The following TMEM182 variants were observed in gnomAD, a reference collection of about 807,000 sequenced individuals.
TMEM182 encodes transmembrane protein 182.
Under a neutral mutation model 26.8 loss-of-function variants are expected in TMEM182, and 20 were observed. The ratio of observed to expected loss-of-function variants is 0.75; its 90% confidence interval spans 0.53 to 1.09. The LOEUF is 1.09. Among genes scored for constraint, TMEM182 ranks in the 50% least tolerant of loss-of-function variants. TMEM182 has a pLI of 0.00. For synonymous variants in TMEM182, 109 were observed against 102.2 expected (o/e 1.07, Z -0.40); for missense variants, 277 against 275.5 (o/e 1.01, Z -0.04).
In TMEM182 at chr2:102,771,644, G is replaced by A. The variant is rs115428104; in HGVS notation, c.331+7217G>A. ...TGATTATCCCAGCAGCATGGCCTGG[G>A]TTCCCTTTGCAAAGGACAGGCTTCC... is the stretch of plus-strand genomic sequence containing the variant. On this transcript the variant is annotated intron_variant, in intron 3 of 4. Transcript: ENST00000412401. Among the ~76,000 whole-genome samples, 1,206 of 152,244 alleles carry A rather than the reference G, an allele frequency of 7.9e-3. 18 individuals carry two copies. Among genetic ancestry groups the A allele is most frequent in the African/African-American group, 0.027 (1,122 of 41,534 alleles).
chr2:102,820,644 A>C (rs1682899861), downstream of TMEM182, among the ~76,000 whole-genome samples: 3 of 152,214 alleles, frequency 2.0e-5, no homozygotes, highest in South Asian at 6.2e-4. Context: ...GGGAGAAGGG[A>C]GCAAGTGGAA....
Position 102,798,010 on chromosome 2 carries a change from G to A in TMEM182, c.469+10G>A, listed in dbSNP as rs777740415. The A allele has an allele frequency of 6.3e-7, 1 of 1,599,264 alleles. No homozygotes were observed. The highest frequency in any genetic ancestry group is 8.5e-7 in the Non-Finnish European group (1 of 1,175,900). The stretch of plus-strand genomic sequence containing the variant: ...TCATATATTGCTGCAGGTACGTACG[G>A]TGCAATGGGTATGACTTTCAGCCAC... On this transcript the variant is annotated intron_variant, in intron 4 of 4. Transcript: ENST00000412401.
intron 3 of TMEM182, among the ~76,000 whole-genome samples, chr2:102,790,267 A>AG (rs1186539121): frequency 6.6e-6 from 1 of 152,214 alleles, no homozygotes; most frequent in Non-Finnish European, 1.5e-5. Context: ...GGCCCCTCTT[A>AG]GAGGCCCCTG....
At chr2:102,807,837 A>G (rs1328254577) in intron 4 of TMEM182, among the ~76,000 whole-genome samples, 1 of 152,224 alleles carries the variant, frequency 6.6e-6, no homozygotes, top group African/African-American at 2.4e-5. Flanking sequence ...TGTTAAAATT[A>G]ATACATATGA....
At chr2:102,831,308 T>A (rs1683144214) in intron 3 of TMEM182, among the ~76,000 whole-genome samples, 2 of 152,220 alleles carry the variant, frequency 1.3e-5, no homozygotes, top group Admixed American at 1.3e-4. Context: ...CCACTGACAG[T>A]GGACAAGTGT....
At chr2:102,829,499 G>A (rs1683109883) in intron 3 of TMEM182, among the ~76,000 whole-genome samples, 4 of 152,092 alleles carry the variant, frequency 2.6e-5, no homozygotes, top group Non-Finnish European at 5.9e-5. Flanking sequence ...ATTTATACTG[G>A]GAAAATATCA....
chr2:102,767,787 T>C (rs561280350), intron 3 of TMEM182, among the ~76,000 whole-genome samples: 2 of 152,354 alleles, frequency 1.3e-5, no homozygotes, highest in South Asian at 4.1e-4. Flanking sequence ...GAAACTCAAT[T>C]GCATACTTTT....
At chr2:102,764,774 A>G (rs1178557460) in intron 3 of TMEM182, among the ~76,000 whole-genome samples, 1 of 151,848 alleles carries the variant, frequency 6.6e-6, no homozygotes, top group Non-Finnish European at 1.5e-5. Flanking sequence ...TGTAATATAC[A>G]TCATACTTCT....
intron 1 of TMEM182, among the ~76,000 whole-genome samples, chr2:102,754,329 C>T (rs1227423141): frequency 2.0e-5 from 3 of 152,122 alleles, no homozygotes; most frequent in African/African-American, 7.2e-5. Flanking sequence ...CAAACACATT[C>T]GTATTTATGC....
Position 102,815,078 on chromosome 2 carries a change from T to A in TMEM182, c.*110T>A. 2 of 1,464,762 alleles carry A rather than the reference T, an allele frequency of 1.4e-6. No homozygotes were observed. The highest frequency in any genetic ancestry group is 1.5e-5 in the South Asian group (1 of 68,064). 90.7% of individuals were successfully genotyped at this position (1,464,762 alleles called of 1,614,324 possible). A position where few individuals can be genotyped will look rare whatever the true frequency, so the allele number is the denominator to read the frequency against. On this transcript the variant is annotated 3_prime_UTR_variant, in exon 5 of 5. Coordinates refer to ENST00000412401, the MANE Select transcript of TMEM182 (RefSeq NM_144632.5). ...AAAGTTAGTAGATATAACTTTTTAG[T>A]TGCTATTCAAATTAATCATTTTACT...
At chr2:102,738,638 A>G (rs973830293) in intron 1 of TMEM182, among the ~76,000 whole-genome samples, 1 of 152,164 alleles carries the variant, frequency 6.6e-6, no homozygotes, top group African/African-American at 2.4e-5. Context: ...ATATATAATC[A>G]ATGTAAACTT....
intron 3 of TMEM182, among the ~76,000 whole-genome samples, chr2:102,769,938 C>G (rs73944417): frequency 0.015 from 2,303 of 152,238 alleles, 54 homozygotes; most frequent in African/African-American, 0.051. Context: ...TGGTGGAATA[C>G]CAGTTTGTAA....
intron 3 of TMEM182, among the ~76,000 whole-genome samples, chr2:102,773,412 T>C (rs185519384): frequency 6.6e-6 from 1 of 151,550 alleles, no homozygotes; most frequent in East Asian, 1.9e-4. Context: ...ATCTCTGACA[T>C]TGGAGTGGAA....
At position 102,834,866 on chromosome 2, in the gene TMEM182, A is replaced by G. The variant is rs1683212091; in HGVS notation, c.326-8546A>G. Among the ~76,000 whole-genome samples the G allele has an allele frequency of 2.6e-5, 4 of 152,326 alleles. No individual in the cohort carries two copies. In the South Asian group the frequency reaches 8.3e-4, roughly 32 times the overall value. Reference sequence around the variant, plus strand: ...TGCCGGTTGTTACCTTAGGAATAAAATATTCCTGGGGTCTATTTCTAATTT... The same window carrying G: ...TGCCGGTTGTTACCTTAGGAATAAAGTATTCCTGGGGTCTATTTCTAATTT... On this transcript the variant is annotated intron_variant, in intron 3 of 3. Transcript: ENST00000486293.
intron 1 of TMEM182, among the ~76,000 whole-genome samples, chr2:102,748,281 G>C (rs1255117688): frequency 6.6e-6 from 1 of 152,220 alleles, no homozygotes; most frequent in Non-Finnish European, 1.5e-5. Context: ...AAATGCCCTT[G>C]ATCAGCTGGT....
chr2:102,780,772 ACT>A (rs1216192092), intron 3 of TMEM182, among the ~76,000 whole-genome samples: 2 of 151,500 alleles, frequency 1.3e-5, no homozygotes, highest in Non-Finnish European at 2.9e-5. Flanking sequence ...GAAAGTGTAC[ACT>A]CTCAGTTTTT....
intron 4 of TMEM182, among the ~76,000 whole-genome samples, chr2:102,808,804 T>A (rs902120602): frequency 6.6e-6 from 1 of 152,216 alleles, no homozygotes. Context: ...TCTCAGGCAT[T>A]ATGTTGAGTA....
chr2:102,830,959 G>A (rs530114377), intron 3 of TMEM182, among the ~76,000 whole-genome samples: 20 of 152,248 alleles, frequency 1.3e-4, no homozygotes, highest in Non-Finnish European at 2.8e-4. Flanking sequence ...AACACGTGAT[G>A]TTTGTCTTTC....
chr2:102,811,029 T>C (rs1650662824), intron 4 of TMEM182, among the ~76,000 whole-genome samples: 1 of 142,736 alleles, frequency 7.0e-6, no homozygotes, highest in African/African-American at 2.7e-5. Context: ...TTCAAGTTTT[T>C]CTAACTATTC....
Sources: gnomAD v4.1 joint callset for allele counts (sites outside exome capture counted in the v4.1 genomes callset) on GRCh38, gnomAD v4.1.1 for gene constraint, MANE v1.5 for transcripts, NCBI Gene and HGNC (gene_info 2026-07-23, HGNC 2026-07-21) for gene names.